The following ATP1B1 variants were observed in gnomAD, a reference collection of about 807,000 sequenced individuals.
ATP1B1 encodes the protein ATPase Na+/K+ transporting subunit beta 1, also known as sodium/potassium-transporting ATPase subunit beta-1.
ATP1B1 carries 3 observed loss-of-function variants against 39.6 expected under a neutral mutation model. The ratio of observed to expected loss-of-function variants is 0.08; its 90% confidence interval spans 0.03 to 0.20. The LOEUF is 0.20. Among genes scored for constraint, ATP1B1 ranks in the 10% least tolerant of loss-of-function variants. The pLI, the probability that ATP1B1 is intolerant of heterozygous loss-of-function variation, is 1.00. For synonymous variants in ATP1B1, 139 were observed against 135.0 expected (o/e 1.03, Z -0.20); for missense variants, 216 against 371.1 (o/e 0.58, Z 3.43).
intron 2 of ATP1B1, among the ~76,000 whole-genome samples, chr1:169,118,035 T>C (rs1657888080): frequency 1.3e-5 from 2 of 152,248 alleles, no homozygotes; most frequent in Non-Finnish European, 2.9e-5. Context: ...GTTTATGTTA[T>C]TCTTTTATAA....
intron 3 of ATP1B1, among the ~76,000 whole-genome samples, chr1:169,125,692 C>T (rs543067111): frequency 2.0e-5 from 3 of 152,200 alleles, no homozygotes; most frequent in Non-Finnish European, 2.9e-5. Context: ...AAAATACTCT[C>T]GCTGGGTGCA....
intron 1 of ATP1B1, chr1:169,110,581 T>TC: frequency 5.0e-6 from 5 of 993,692 alleles, no homozygotes; most frequent in Non-Finnish European, 6.5e-6. Context: ...TTTTTTTTTT[T>TC]TTTTTGCTTT....
chr1:169,112,651 A>G (rs1657751543), intron 2 of ATP1B1, among the ~76,000 whole-genome samples: 1 of 152,258 alleles, frequency 6.6e-6, no homozygotes. Context: ...AAGATCTTCA[A>G]AATACGGAGG....
At chr1:169,124,798 A>G in intron 2 of ATP1B1, 86 bp from the exon 3 acceptor site, 1 of 1,472,266 alleles carries the variant, frequency 6.8e-7, no homozygotes, top group South Asian at 1.2e-5. Context: ...GGAGTTAGCA[A>G]AGTATGTTTT....
At chr1:169,117,692 T>C (rs987632522) in intron 2 of ATP1B1, among the ~76,000 whole-genome samples, 6 of 152,188 alleles carry the variant, frequency 3.9e-5, no homozygotes, top group African/African-American at 1.4e-4. Context: ...ACTTCTACCA[T>C]AAAATCTGAT....
intron 2 of ATP1B1, among the ~76,000 whole-genome samples, chr1:169,122,666 C>G (rs1658003097): frequency 6.7e-6 from 1 of 149,380 alleles, no homozygotes; most frequent in African/African-American, 2.4e-5. Context: ...TCTGCTACTT[C>G]CCCTTTGATT....
At position 169,111,671 on chromosome 1, in the gene ATP1B1, G is replaced by T. The variant is rs142616612; in HGVS notation, c.226+173G>T. ...GCCAGATGTCCTACCCGCATTGCAG[G>T]CAGAGCTCCCACGGGTTGCAGACAT... is the stretch of plus-strand genomic sequence containing the variant. On this transcript the variant is annotated intron_variant, in intron 2 of 5. Coordinates refer to ENST00000367815, the MANE Select transcript of ATP1B1 (RefSeq NM_001677.4). 1.7e-4 allele frequency among the ~76,000 whole-genome samples: 26 copies of T among 152,280 alleles called. No homozygotes were observed. In the East Asian group the frequency reaches 5.0e-3, roughly 29 times the overall value.
At chr1:169,107,884 A>ACATCAT (rs531481247) in intron 1 of ATP1B1, 18,047 of 151,124 alleles carry the variant, frequency 0.12, 1,385 homozygotes, top group Non-Finnish European at 0.18. Flanking sequence ...TCCTCCTCCA[A>ACATCAT]CATCATCATC....
In ATP1B1 at chr1:169,122,770, T is replaced by TTTA. The variant is rs71121722; in HGVS notation, c.227-2114_227-2113insTTA. Among the ~76,000 whole-genome samples, 58 of 101,338 alleles carry TTTA rather than the reference T, an allele frequency of 5.7e-4. 1 individual carries two copies. The highest frequency in any genetic ancestry group is 1.2e-3 in the African/African-American group (34 of 29,204). The allele number at this position is 101,338 out of a possible 152,430, so 66.5% of individuals were successfully genotyped here. On this transcript the variant is annotated intron_variant, in intron 2 of 5. Transcript: ENST00000367815. ...GATTTTTTTTTTTTTTTTTTTTTTT[T>TTTA]AATTGCGATAGAGTCTTGCTAGGTT...
intron 2 of ATP1B1, among the ~76,000 whole-genome samples, chr1:169,113,973 G>A (rs1657780886): frequency 1.3e-5 from 2 of 151,892 alleles, no homozygotes; most frequent in Non-Finnish European, 2.9e-5. Flanking sequence ...GGTTTTTCGG[G>A]GGCCTTTACC....
chr1:169,109,242 G>T (rs1657676302), intron 1 of ATP1B1, among the ~76,000 whole-genome samples: 1 of 152,066 alleles, frequency 6.6e-6, no homozygotes, highest in Non-Finnish European at 1.5e-5. Flanking sequence ...TCATTTGTTT[G>T]TTTTTCCAAA....
chr1:169,116,229 A>G (rs1431124802), intron 2 of ATP1B1, among the ~76,000 whole-genome samples: 1 of 152,188 alleles, frequency 6.6e-6, no homozygotes, highest in Admixed American at 6.5e-5. Flanking sequence ...CCCCCACCTC[A>G]GGCTCACTTA....
In ATP1B1 at chr1:169,131,821, CG is replaced by C. The variant is rs2101796743; in HGVS notation, c.*267del. 2.2e-6 allele frequency: 1 copy of C among 455,236 alleles called. No individual in the cohort carries two copies. Among genetic ancestry groups the C allele is most frequent in the East Asian group, 3.9e-5 (1 of 25,494 alleles). The allele number at this position is 455,236 out of a possible 1,614,324, so 28.2% of individuals were successfully genotyped here. ...CCATTTTTACTGTAAATTATGATTC[CG>C]TAACTGACTTGTAGTAAGCAGTGTT... On this transcript the variant is annotated 3_prime_UTR_variant, in exon 6 of 6. Coordinates refer to ENST00000367815, the MANE Select transcript of ATP1B1 (RefSeq NM_001677.4). The surrounding 1 kb of genome is among the most constrained non-coding windows in gnomAD (Gnocchi z 4.4).
chr1:169,119,079 A>G (rs1294201628), intron 2 of ATP1B1, among the ~76,000 whole-genome samples: 1 of 152,236 alleles, frequency 6.6e-6, no homozygotes, highest in Non-Finnish European at 1.5e-5. Flanking sequence ...TTGTGCTATC[A>G]ACACTTACTA....
intron 1 of ATP1B1, among the ~76,000 whole-genome samples, chr1:169,111,048 G>T (rs893361895): frequency 1.3e-5 from 2 of 152,142 alleles, no homozygotes; most frequent in South Asian, 2.1e-4. Flanking sequence ...TGATCTTCAT[G>T]ATTTTTTTTA....
chr1:169,116,343 TTC>T (rs1178897051), intron 2 of ATP1B1, among the ~76,000 whole-genome samples: 6 of 146,890 alleles, frequency 4.1e-5, no homozygotes, highest in African/African-American at 1.5e-4. Context: ...TATGCTGCTG[TTC>T]TCTCTTTTAA....
chr1:169,120,350 T>A (rs3766038), intron 2 of ATP1B1, among the ~76,000 whole-genome samples: 54,500 of 152,016 alleles, frequency 0.36, 10,509 homozygotes, highest in African/African-American at 0.51. Flanking sequence ...GTATCTTAAA[T>A]GAATGGTCAT....
Position 169,131,219 on chromosome 1 carries a change from G to T in ATP1B1, c.649-73G>T. ...TAGTTTGCAAACTACTGTGTAGATT[G>T]AGTCTTGTTTTTGAGTACACATAGT... On this transcript the variant is annotated intron_variant, in intron 5 of 5. Coordinates refer to ENST00000367815, the MANE Select transcript of ATP1B1 (RefSeq NM_001677.4). This position sits in a 1 kb window ranked among gnomAD's most constrained non-coding sequence, Gnocchi z 4.4. 1 of 1,403,860 alleles carries T rather than the reference G, an allele frequency of 7.1e-7. No individual in the cohort carries two copies. The highest frequency in any genetic ancestry group is 9.4e-7 in the Non-Finnish European group (1 of 1,060,796). 87.0% of individuals were successfully genotyped at this position (1,403,860 alleles called of 1,614,324 possible).
chr1:169,120,618 G>A (rs1657958858), intron 2 of ATP1B1, among the ~76,000 whole-genome samples: 1 of 152,132 alleles, frequency 6.6e-6, no homozygotes, highest in Admixed American at 6.5e-5. Context: ...TGCTTTCTTG[G>A]TTTCACTAGT....
Sources: allele counts gnomAD v4.1 joint callset (sites outside exome capture counted in the v4.1 genomes callset), GRCh38; gene constraint gnomAD v4.1.1; non-coding constraint Gnocchi (gnomAD v3.1); transcripts MANE v1.5; gene names NCBI Gene and HGNC (gene_info 2026-07-23, HGNC 2026-07-21).